Variants in CNTNAP3B observed in about 807,000 individuals in gnomAD.
CNTNAP3B encodes the protein contactin-associated protein-like 3B.
CNTNAP3B carries 25 observed loss-of-function variants against 108.9 expected under a neutral mutation model. That is an observed-to-expected ratio of 0.23 (90% confidence interval 0.17 to 0.32). The LOEUF is 0.32. Among genes scored for constraint, CNTNAP3B ranks in the 10% least tolerant of loss-of-function variants. The pLI is 1.00. For synonymous variants in CNTNAP3B, 103 were observed against 473.4 expected (o/e 0.22, Z 10.16); for missense variants, 252 against 1,210.4 (o/e 0.21, Z 11.75).
intron 3 of CNTNAP3B, among the ~76,000 whole-genome samples, chr9:42,064,322 T>C (rs1363180929): frequency 1.4e-5 from 2 of 145,606 alleles, no homozygotes; most frequent in African/African-American, 5.3e-5. Context: ...TCTTGCTGTG[T>C]CATAACAAGG....
intron 10 of CNTNAP3B, among the ~76,000 whole-genome samples, chr9:41,968,817 G>A (rs1477697923): frequency 8.3e-6 from 1 of 120,428 alleles, no homozygotes; most frequent in Non-Finnish European, 1.8e-5. Context: ...TTTTTTTTTT[G>A]AGAAGAGTCT....
At chr9:41,942,332 C>A (rs757247025) in intron 13 of CNTNAP3B, among the ~76,000 whole-genome samples, 1 of 152,142 alleles carries the variant, frequency 6.6e-6, no homozygotes, top group African/African-American at 2.4e-5. Context: ...AAAATTGGGT[C>A]GGGTGAGGTG....
intron 8 of CNTNAP3B, among the ~76,000 whole-genome samples, chr9:41,990,664 C>T (rs951714654): frequency 4.7e-5 from 6 of 127,578 alleles, no homozygotes; most frequent in Non-Finnish European, 6.6e-5. Flanking sequence ...TTTCAGATTA[C>T]GCTTTTTTTT....
intron 7 of CNTNAP3B, chr9:41,994,084 G>GT (rs1825853052): frequency 7.5e-6 from 1 of 133,714 alleles, no homozygotes; most frequent in African/African-American, 3.0e-5. Flanking sequence ...ATGAAAACCT[G>GT]TGTCTATTGT....
intron 14 of CNTNAP3B, among the ~76,000 whole-genome samples, chr9:41,930,585 C>T (rs1178089935): frequency 2.6e-5 from 4 of 151,998 alleles, no homozygotes; most frequent in African/African-American, 7.2e-5. Context: ...ACACTCAGCG[C>T]TCACCTTTTG....
intron 18 of CNTNAP3B, among the ~76,000 whole-genome samples, chr9:41,918,452 A>C (rs1455054267): frequency 6.9e-6 from 1 of 145,384 alleles, no homozygotes; most frequent in Admixed American, 6.8e-5. Flanking sequence ...TGTTTAGTAC[A>C]CACATACACA....
intron 3 of CNTNAP3B, among the ~76,000 whole-genome samples, chr9:42,056,325 T>C (rs1827067292): frequency 1.1e-5 from 1 of 91,610 alleles, no homozygotes; most frequent in South Asian, 3.9e-4. Context: ...ATCTCATGAA[T>C]TTTATTATTA....
chr9:41,963,190 G>C (rs934802598), intron 11 of CNTNAP3B, among the ~76,000 whole-genome samples: 3 of 152,290 alleles, frequency 2.0e-5, no homozygotes, highest in Non-Finnish European at 4.4e-5. Context: ...TGTGGCTTTT[G>C]TGAAAATCAA....
chr9:42,098,965 C>T (rs1171008083), intron 2 of CNTNAP3B, among the ~76,000 whole-genome samples: 1 of 136,124 alleles, frequency 7.3e-6, no homozygotes, highest in Non-Finnish European at 1.6e-5. Flanking sequence ...ATCCGAAGGG[C>T]TGGTGCACCC....
At chr9:42,110,077 C>A (rs1455021075) in intron 1 of CNTNAP3B, among the ~76,000 whole-genome samples, 1 of 136,274 alleles carries the variant, frequency 7.3e-6, no homozygotes, top group Non-Finnish European at 1.6e-5. Context: ...GGTCTCCAGA[C>A]TATGACAGAA....
At chr9:42,104,563 T>G in intron 2 of CNTNAP3B, 66 bp downstream of exon 2, 1 of 1,054,764 alleles carries the variant, frequency 9.5e-7, no homozygotes, top group African/African-American at 2.0e-5. Context: ...CAATTATAAT[T>G]ATTTTGTTAA....
At chr9:41,948,485 TTTTA>T (rs1242792046) in intron 13 of CNTNAP3B, among the ~76,000 whole-genome samples, 1 of 148,252 alleles carries the variant, frequency 6.7e-6, no homozygotes, top group Non-Finnish European at 1.5e-5. Flanking sequence ...ACCAAATTCA[TTTTA>T]TGTAGGCAGT....
intron 10 of CNTNAP3B, among the ~76,000 whole-genome samples, chr9:41,969,253 CTAGCATAACTGTGG>C (rs1299167484): frequency 1.7e-3 from 254 of 150,854 alleles, no homozygotes; most frequent in Non-Finnish European, 2.8e-3. Context: ...TATGGCACAA[CTAGCATAACTGTGG>C]TTGTAATACT....
Position 42,125,846 on chromosome 9 carries a change from G to A in CNTNAP3B, c.85+3164C>T, listed in dbSNP as rs925096229. On this transcript the variant is annotated intron_variant, in intron 1 of 23. Coordinates refer to ENST00000377561, the MANE Select transcript of CNTNAP3B (RefSeq NM_001201380.3). ...TTGTCCAGGCTGGTTTCGAACTCCC[G>A]ACCTCAAGTGATCCACCCGCCTCAG... Among the ~76,000 whole-genome samples the A allele has an allele frequency of 7.9e-5, 10 of 127,150 alleles. 1 individual carries two copies. The highest frequency in any genetic ancestry group is 5.4e-4 in the South Asian group (2 of 3,710). 83.4% of individuals were successfully genotyped at this position (127,150 alleles called of 152,430 possible). A position where few individuals can be genotyped will look rare whatever the true frequency, so the allele number is the denominator to read the frequency against.
At chr9:41,931,219 T>C (rs965602679) in intron 14 of CNTNAP3B, among the ~76,000 whole-genome samples, 8 of 152,288 alleles carry the variant, frequency 5.3e-5, no homozygotes, top group African/African-American at 1.7e-4. Context: ...GTTGTACATA[T>C]ACTGGGGGCA....
intron 2 of CNTNAP3B, among the ~76,000 whole-genome samples, chr9:42,081,285 C>G (rs1827609129): frequency 1.3e-5 from 2 of 148,350 alleles, no homozygotes; most frequent in Non-Finnish European, 3.0e-5. Context: ...ATTGGTACCA[C>G]AGTGAAGATG....
intron 9 of CNTNAP3B, chr9:41,980,575 G>A (rs916360427): frequency 3.9e-5 from 5 of 129,572 alleles, no homozygotes; most frequent in Non-Finnish European, 8.1e-5. Context: ...CAGTTTCCAG[G>A]GCATCTTGGA....
chr9:42,120,184 T>G (rs1326299451), intron 1 of CNTNAP3B, among the ~76,000 whole-genome samples: 1 of 146,808 alleles, frequency 6.8e-6, no homozygotes, highest in Non-Finnish European at 1.5e-5. Flanking sequence ...CAGACACTTC[T>G]CTAAAGAAGA....
chr9:42,063,824 C>T (rs1167973678), intron 3 of CNTNAP3B, among the ~76,000 whole-genome samples: 2 of 148,972 alleles, frequency 1.3e-5, no homozygotes, highest in Non-Finnish European at 3.0e-5. Context: ...TGGGCTCAAG[C>T]GACTCTCCCA....
Sources: allele counts gnomAD v4.1 joint callset (sites outside exome capture counted in the v4.1 genomes callset), GRCh38; gene constraint gnomAD v4.1.1; transcripts MANE v1.5; gene names NCBI Gene and HGNC (gene_info 2026-07-23, HGNC 2026-07-21).